Variants in EFNB3 observed in about 807,000 individuals in gnomAD.
EFNB3 encodes ephrin B3, also known as ephrin-B3.
Under a neutral mutation model 29.8 loss-of-function variants are expected in EFNB3, and 14 were observed. That is an observed-to-expected ratio of 0.47 (90% CI 0.31 to 0.73). The LOEUF (loss-of-function observed/expected upper bound fraction) is 0.73, where lower values mean the gene tolerates loss of function less well. Among genes scored for constraint, EFNB3 ranks in the 30% least tolerant of loss-of-function variants. EFNB3 has a pLI of 0.05. For synonymous variants in EFNB3, 216 were observed against 191.6 expected (o/e 1.13, Z -1.05); for missense variants, 408 against 458.0 (o/e 0.89, Z 1.00).
Position 7,710,280 on chromosome 17 carries a change from T to G in EFNB3, c.*704T>G, listed in dbSNP as rs565873779. 6.5e-6 allele frequency: 1 copy of G among 153,712 alleles called. No homozygotes were observed. The highest frequency in any genetic ancestry group is 1.9e-4 in the East Asian group (1 of 5,186). 9.5% of individuals were successfully genotyped at this position (153,712 alleles called of 1,614,324 possible). On this transcript the variant is annotated 3_prime_UTR_variant, in exon 5 of 5. Coordinates refer to ENST00000226091, the MANE Select transcript of EFNB3 (RefSeq NM_001406.4). Reference sequence around the variant, plus strand: ...GCCTCTACATACTTACTCCAGCCATTTGGGGTGGTTGGGTCATGACAGCTA... The same window carrying G: ...GCCTCTACATACTTACTCCAGCCATGTGGGGTGGTTGGGTCATGACAGCTA...
Position 7,709,218 on chromosome 17 carries a change from C to A in EFNB3, c.665C>A (p.Pro222His), listed in dbSNP as rs752118716. Residue 222 changes from proline to histidine, a missense_variant, in exon 5 of 5, where the codon CCT becomes CAT. Pro to His is a moderately conservative substitution (Grantham distance 77). Around this residue, in one of 3 missense-constraint regions of EFNB3, gnomAD observed 233 missense variants for 230.7 expected, o/e 1.01. Coordinates refer to ENST00000226091, the MANE Select transcript of EFNB3 (RefSeq NM_001406.4). The surrounding 1 kb of genome is among the most constrained non-coding windows in gnomAD (Gnocchi z 4.5). Reference sequence around the variant, plus strand: ...CGGGGTGCTGAAGGCCCCCTGCCCCCTCCCAGCATGCCTGCAGTGGCTGGG... The same window carrying A: ...CGGGGTGCTGAAGGCCCCCTGCCCCATCCCAGCATGCCTGCAGTGGCTGGG... Reference protein sequence around the residue: ...TSRGAEGPLPPPSMPAVAGAA... With the variant: ...TSRGAEGPLPHPSMPAVAGAA... The A allele has an allele frequency of 1.5e-5, 24 of 1,603,962 alleles. 1 individual carries two copies. In the Middle Eastern group the frequency reaches 1.7e-3, roughly 112 times the overall value.
Position 7,711,321 on chromosome 17 carries a change from A to G in EFNB3, c.*1745A>G, listed in dbSNP as rs1484464612. The G allele has an allele frequency of 6.6e-6, 1 of 152,646 alleles. No homozygotes were observed. Among genetic ancestry groups the G allele is most frequent in the African/African-American group, 2.4e-5 (1 of 41,442 alleles). The allele number at this position is 152,646 out of a possible 1,614,324, so 9.5% of individuals were successfully genotyped here. A position where few individuals can be genotyped will look rare whatever the true frequency, so the allele number is the denominator to read the frequency against. ...TCAGTAGTTTTACTGTAAAAGGGAAATTTGAACAACAAAAACCAAAAAAAA... is the reference window on the plus strand; with the variant it reads ...TCAGTAGTTTTACTGTAAAAGGGAAGTTTGAACAACAAAAACCAAAAAAAA... On this transcript the variant is annotated 3_prime_UTR_variant, in exon 5 of 5. Coordinates refer to ENST00000226091, the MANE Select transcript of EFNB3 (RefSeq NM_001406.4).
chr17:7,707,206 T>C (rs2074330404), intron 1 of EFNB3, among the ~76,000 whole-genome samples: 1 of 152,190 alleles, frequency 6.6e-6, no homozygotes. Flanking sequence ...GGACAGTGGA[T>C]GCCTGGGTGC....
chr17:7,708,133 C>G lies in EFNB3; in HGVS notation c.298C>G (p.Leu100Val), dbSNP rs1283626529. The change falls in exon 2 of 5, where the codon CTC becomes GTC. Residue 100 changes from leucine (L) to valine (V), a missense_variant. Leu to Val is a conservative substitution (Grantham distance 32). Transcript: ENST00000226091. This position sits in a 1 kb window ranked among gnomAD's most constrained non-coding sequence, Gnocchi z 6.8. The stretch of plus-strand genomic sequence containing the variant: ...CTGTGAGGCACCCCCTGCCCCAAAC[C>G]TCCTTCTCACTTGTGATCGCCCAGA... ...RRCEAPPAPN[L>V]LLTCDRPDLD... 1 of 1,614,160 alleles carries G rather than the reference C, an allele frequency of 6.2e-7. No individual in the cohort carries two copies. The highest frequency in any genetic ancestry group is 8.5e-7 in the Non-Finnish European group (1 of 1,180,038).
Position 7,710,965 on chromosome 17 carries a change from C to A in EFNB3, c.*1389C>A, listed in dbSNP as rs1003386132. 9 of 152,690 alleles carry A rather than the reference C, an allele frequency of 5.9e-5. No homozygotes were observed. Among genetic ancestry groups the A allele is most frequent in the African/African-American group, 2.2e-4 (9 of 41,456 alleles). The allele number at this position is 152,690 out of a possible 1,614,324, so 9.5% of individuals were successfully genotyped here. On this transcript the variant is annotated 3_prime_UTR_variant, in exon 5 of 5. Transcript: ENST00000226091. ...CTCAACACAGTTCCCTTCTTAGTGA[C>A]CAAAATGGTGGCCTACTGGCTGGTC...
Position 7,705,578 on chromosome 17 carries a change from C to G in EFNB3, c.-21C>G, listed in dbSNP as rs2074324622. 7.3e-7 allele frequency: 1 copy of G among 1,371,278 alleles called. No individual in the cohort carries two copies. The highest frequency in any genetic ancestry group is 9.6e-7 in the Non-Finnish European group (1 of 1,038,966). 84.9% of individuals were successfully genotyped at this position (1,371,278 alleles called of 1,614,324 possible). A position where few individuals can be genotyped will look rare whatever the true frequency, so the allele number is the denominator to read the frequency against. On this transcript the variant is annotated 5_prime_UTR_variant, in exon 1 of 5. Transcript: ENST00000226091. The surrounding 1 kb of genome is among the most constrained non-coding windows in gnomAD (Gnocchi z 5.4). Reference sequence around the variant, plus strand: ...GACTTTGGGGGAGTTGGTGCCCCGCCCCCCAGGCCTTGGCGGGGTCATGGG... The same window carrying G: ...GACTTTGGGGGAGTTGGTGCCCCGCGCCCCAGGCCTTGGCGGGGTCATGGG...
rs1391284483 is a variant in EFNB3, at chr17:7,709,594, C to T, written c.*18C>T. 6.2e-6 allele frequency: 10 copies of T among 1,613,696 alleles called. No homozygotes were observed. In the South Asian group the frequency reaches 8.8e-5, roughly 14 times the overall value. On this transcript the variant is annotated 3_prime_UTR_variant, in exon 5 of 5. Coordinates refer to ENST00000226091, the MANE Select transcript of EFNB3 (RefSeq NM_001406.4). The surrounding 1 kb of genome is among the most constrained non-coding windows in gnomAD (Gnocchi z 4.5). The stretch of plus-strand genomic sequence containing the variant: ...AGGTATGAGGGCTCCTCTCACGTGG[C>T]TATCCTGAATCCAGCCCTTCTTGGG...
rs1366556174 is a variant in EFNB3, at chr17:7,705,853, G to T, written c.122+133G>T. On this transcript the variant is annotated intron_variant, in intron 1 of 4. Transcript: ENST00000226091. The surrounding 1 kb of genome is among the most constrained non-coding windows in gnomAD (Gnocchi z 5.4). ...GTGCTGGTGCTCTGATGTGTGATGGGTTACTAGACAGGTGATCTTGGGAGC... is the reference window on the plus strand; with the variant it reads ...GTGCTGGTGCTCTGATGTGTGATGGTTTACTAGACAGGTGATCTTGGGAGC... The T allele has an allele frequency of 9.0e-7, 1 of 1,113,354 alleles. No individual in the cohort carries two copies. Among genetic ancestry groups the T allele is most frequent in the Non-Finnish European group, 1.2e-6 (1 of 807,292 alleles). The allele number at this position is 1,113,354 out of a possible 1,614,324, so 69.0% of individuals were successfully genotyped here. A position where few individuals can be genotyped will look rare whatever the true frequency, so the allele number is the denominator to read the frequency against.
In EFNB3 at chr17:7,709,806, C is replaced by A. The variant is rs1307625594; in HGVS notation, c.*230C>A. The A allele has an allele frequency of 1.0e-5, 6 of 596,290 alleles. No individual in the cohort carries two copies. The highest frequency in any genetic ancestry group is 3.0e-5 in the Admixed American group (1 of 33,000). The allele number at this position is 596,290 out of a possible 1,614,324, so 36.9% of individuals were successfully genotyped here. On this transcript the variant is annotated 3_prime_UTR_variant, in exon 5 of 5. Coordinates refer to ENST00000226091, the MANE Select transcript of EFNB3 (RefSeq NM_001406.4). This position sits in a 1 kb window ranked among gnomAD's most constrained non-coding sequence, Gnocchi z 4.5. ...GGGTGCCCCCCTCTGTCTCAGTGTC[C>A]CTGGATCCTTTTTCCTTGGGGAGGG...
intron 1 of EFNB3, among the ~76,000 whole-genome samples, chr17:7,706,362 C>T (rs2074327833): frequency 6.6e-6 from 1 of 152,128 alleles, no homozygotes; most frequent in Non-Finnish European, 1.5e-5. Flanking sequence ...CCTGAACCCT[C>T]CTTCCTTCCC....
Position 7,708,698 on chromosome 17 carries a change from G to T in EFNB3, c.572G>T (p.Gly191Val), listed in dbSNP as rs867609708. The T allele has an allele frequency of 6.3e-7, 1 of 1,577,732 alleles. No individual in the cohort carries two copies. The highest frequency in any genetic ancestry group is 2.3e-5 in the East Asian group (1 of 42,744). Residue 191 changes from glycine to valine, a missense_variant, in exon 4 of 5, where the codon GGG becomes GTG. This residue lies in a region of EFNB3 where 233 missense variants were observed against 230.7 expected (regional missense o/e 1.01). Coordinates refer to ENST00000226091, the MANE Select transcript of EFNB3 (RefSeq NM_001406.4). This position sits in a 1 kb window ranked among gnomAD's most constrained non-coding sequence, Gnocchi z 6.8. ...VSEMPMERDR[G>V]AAHSLEPGKE... ...GAAATGCCCATGGAAAGAGACCGAGGGGCAGCCCACAGCCTGGAGCCTGGG... is the reference window on the plus strand; with the variant it reads ...GAAATGCCCATGGAAAGAGACCGAGTGGCAGCCCACAGCCTGGAGCCTGGG...
rs1263406340 is a variant in EFNB3, at chr17:7,708,028, G to A, written c.193G>A (p.Ala65Thr). 8.1e-6 allele frequency: 13 copies of A among 1,613,914 alleles called. No homozygotes were observed. The highest frequency in any genetic ancestry group is 1.1e-5 in the Non-Finnish European group (13 of 1,179,996). The change falls in exon 2 of 5, where the codon GCC becomes ACC. Residue 65 changes from alanine (A) to threonine (T), a missense_variant. Physicochemically the swap from Ala to Thr is moderately conservative, Grantham distance 58 (BLOSUM62 0). Transcript: ENST00000226091. The surrounding 1 kb of genome is among the most constrained non-coding windows in gnomAD (Gnocchi z 6.8). ...CCGGCTAGACCTGCTCTGCCCCCGG[G>A]CCCGGCCTCCTGGCCCTCACTCCTC... is the stretch of plus-strand genomic sequence containing the variant. ...GDRLDLLCPRARPPGPHSSPN... is the reference protein window; with the variant it reads ...GDRLDLLCPRTRPPGPHSSPN...
Position 7,705,608 on chromosome 17 carries a change from C to T in EFNB3, c.10C>T (p.Pro4Ser). The T allele has an allele frequency of 6.7e-7, 1 of 1,489,596 alleles. No homozygotes were observed. The highest frequency in any genetic ancestry group is 2.7e-5 in the Admixed American group (1 of 37,064). The allele number at this position is 1,489,596 out of a possible 1,614,324, so 92.3% of individuals were successfully genotyped here. A position where few individuals can be genotyped will look rare whatever the true frequency, so the allele number is the denominator to read the frequency against. The change falls in exon 1 of 5, where the codon CCC becomes TCC. Residue 4 changes from proline to serine, a missense_variant. Coordinates refer to ENST00000226091, the MANE Select transcript of EFNB3 (RefSeq NM_001406.4). The surrounding 1 kb of genome is among the most constrained non-coding windows in gnomAD (Gnocchi z 5.4). MGPPHSGPGGVRVG... is the reference protein window; with the variant it reads MGPSHSGPGGVRVG... ...AGGCCTTGGCGGGGTCATGGGGCCC[C>T]CCCATTCTGGGCCGGGGGGCGTGCG...
rs1163018298 is a variant in EFNB3, at chr17:7,709,316, C to T, written c.763C>T (p.Arg255Trp). Residue 255 changes from arginine (R) to tryptophan (W), a missense_variant, in exon 5 of 5, where the codon CGG (arginine) becomes TGG (tryptophan). Physicochemically the swap from Arg to Trp is moderately radical, Grantham distance 101 (BLOSUM62 -3). Coordinates refer to ENST00000226091, the MANE Select transcript of EFNB3 (RefSeq NM_001406.4). This position sits in a 1 kb window ranked among gnomAD's most constrained non-coding sequence, Gnocchi z 4.5. ...GGGTGCCATGTGTTGGCGGAGACGG[C>T]GGGCCAAGCCTTCGGAGAGTCGCCA... is the stretch of plus-strand genomic sequence containing the variant. ...AGGAMCWRRR[R>W]AKPSESRHPG... The T allele has an allele frequency of 3.9e-6, 6 of 1,527,394 alleles. No homozygotes were observed. The highest frequency in any genetic ancestry group is 2.4e-5 in the East Asian group (1 of 41,038). The allele number at this position is 1,527,394 out of a possible 1,614,324, so 94.6% of individuals were successfully genotyped here.
At position 7,709,634 on chromosome 17, in the gene EFNB3, T is replaced by G; in HGVS notation, c.*58T>G. ...CCCTTCTTGGGGTGCTCCTCCAGTT[T>G]AATTCCTGGTTTGAGGGACACCTCT... On this transcript the variant is annotated 3_prime_UTR_variant, in exon 5 of 5. Transcript: ENST00000226091. The surrounding 1 kb of genome is among the most constrained non-coding windows in gnomAD (Gnocchi z 4.5). 1.2e-6 allele frequency: 2 copies of G among 1,605,844 alleles called. No individual in the cohort carries two copies. The highest frequency in any genetic ancestry group is 2.2e-5 in the South Asian group (2 of 90,402).
At position 7,710,535 on chromosome 17, in the gene EFNB3, A is replaced by C. The variant is rs1005059952; in HGVS notation, c.*959A>C. ...GGACAGGAAGTAGCACTTCTGAAACAGGAAGTGGTCTGGCTGGAACTCCAA... is the reference window on the plus strand; with the variant it reads ...GGACAGGAAGTAGCACTTCTGAAACCGGAAGTGGTCTGGCTGGAACTCCAA... On this transcript the variant is annotated 3_prime_UTR_variant, in exon 5 of 5. Coordinates refer to ENST00000226091, the MANE Select transcript of EFNB3 (RefSeq NM_001406.4). 1 of 152,774 alleles carries C rather than the reference A, an allele frequency of 6.5e-6. No individual in the cohort carries two copies. The highest frequency in any genetic ancestry group is 2.4e-5 in the African/African-American group (1 of 41,462). The allele number at this position is 152,774 out of a possible 1,614,324, so 9.5% of individuals were successfully genotyped here.
chr17:7,711,029 T>C lies in EFNB3; in HGVS notation c.*1453T>C, dbSNP rs1305062116. ...TACTTAGCAAAGGCCACTGTTTCCA[T>C]AGTGACCAGCTGATACCTCTTCCTG... On this transcript the variant is annotated 3_prime_UTR_variant, in exon 5 of 5. Coordinates refer to ENST00000226091, the MANE Select transcript of EFNB3 (RefSeq NM_001406.4). 3.3e-5 allele frequency: 5 copies of C among 152,620 alleles called. No individual in the cohort carries two copies. The highest frequency in any genetic ancestry group is 1.2e-4 in the African/African-American group (5 of 41,446). The allele number at this position is 152,620 out of a possible 1,614,324, so 9.5% of individuals were successfully genotyped here. A position where few individuals can be genotyped will look rare whatever the true frequency, so the allele number is the denominator to read the frequency against.
rs1282689037 is a variant in EFNB3, at chr17:7,710,686, A to T, written c.*1110A>T. 1 of 152,668 alleles carries T rather than the reference A, an allele frequency of 6.6e-6. No individual in the cohort carries two copies. Among genetic ancestry groups the T allele is most frequent in the African/African-American group, 2.4e-5 (1 of 41,444 alleles). The allele number at this position is 152,668 out of a possible 1,614,324, so 9.5% of individuals were successfully genotyped here. ...ACTGACTGTAAGAGGTTAGAGGTGG[A>T]CCGAGAAGGACTTTTCCCAGTCTTC... On this transcript the variant is annotated 3_prime_UTR_variant, in exon 5 of 5. Transcript: ENST00000226091.
At position 7,709,035 on chromosome 17, in the gene EFNB3, A is replaced by C; in HGVS notation, c.614-132A>C. On this transcript the variant is annotated intron_variant, in intron 4 of 4. Coordinates refer to ENST00000226091, the MANE Select transcript of EFNB3 (RefSeq NM_001406.4). This position sits in a 1 kb window ranked among gnomAD's most constrained non-coding sequence, Gnocchi z 4.5. ...TCTGAGCAGAGTTCGGAGGGGGAGG[A>C]GAGATGGGGTCCCCAAGGGGCCTGG... The C allele has an allele frequency of 1.1e-6, 1 of 930,404 alleles. No individual in the cohort carries two copies. The highest frequency in any genetic ancestry group is 1.6e-6 in the Non-Finnish European group (1 of 608,132). 57.6% of individuals were successfully genotyped at this position (930,404 alleles called of 1,614,324 possible).
Sources: allele counts gnomAD v4.1 joint callset (sites outside exome capture counted in the v4.1 genomes callset), GRCh38; gene constraint gnomAD v4.1.1; regional missense constraint gnomAD v4.1.1; non-coding constraint Gnocchi (gnomAD v3.1); transcripts MANE v1.5; gene names NCBI Gene and HGNC (gene_info 2026-07-23, HGNC 2026-07-21).